Variants in SMG5 observed in about 807,000 individuals in gnomAD.
SMG5 encodes nonsense-mediated mRNA decay factor SMG5.
A neutral mutation model predicts 122.9 loss-of-function variants in SMG5; 53 were observed. That is an observed-to-expected ratio of 0.43 (90% CI 0.35 to 0.54). SMG5 has a LOEUF of 0.54. Among genes scored for constraint, SMG5 ranks in the 20% least tolerant of loss-of-function variants. The pLI is 0.01. For synonymous variants in SMG5, 477 were observed against 490.2 expected, an observed-to-expected ratio of 0.97 and a Z score of 0.35; for missense variants, 1,153 against 1,285.6, an observed-to-expected ratio of 0.90 and a Z score of 1.58.
intron 7 of SMG5, among the ~76,000 whole-genome samples, chr1:156,271,666 TGGGTTCAAGTGATTCTCC>T: frequency 1.1e-5 from 1 of 87,402 alleles, no homozygotes; most frequent in Non-Finnish European, 2.9e-5. Context: ...CTCTGCCTCC[TGGGTTCAAGTGATTCTCC>T]TGCGTTCAAG....
At chr1:156,278,841 G>T in intron 2 of SMG5, 95 bp downstream of exon 2, 1 of 1,015,146 alleles carries the variant, frequency 9.9e-7, no homozygotes, top group Non-Finnish European at 1.5e-6. Flanking sequence ...AGGTCAGGAG[G>T]TAAAACAGAG....
upstream of SMG5, chr1:156,286,098 C>G: frequency 6.8e-7 from 1 of 1,461,684 alleles, no homozygotes; most frequent in African/African-American, 1.4e-5. Context: ...CTCAGGGTCT[C>G]CCACCCCCTG....
chr1:156,280,915 CTAAT>C (rs1156825073), intron 1 of SMG5, among the ~76,000 whole-genome samples: 2 of 152,168 alleles, frequency 1.3e-5, no homozygotes, highest in South Asian at 2.1e-4. Flanking sequence ...ATGAATTGGC[CTAAT>C]TAATTAATTG....
chr1:156,251,184 G>A (rs945534423), intron 20 of SMG5, 188 bp from the exon 21 acceptor site: 2 of 927,934 alleles, frequency 2.2e-6, no homozygotes, highest in Admixed American at 2.4e-5. Flanking sequence ...CACCAAGCCT[G>A]AGCATCGCAA....
At chr1:156,260,859 T>A (rs958649132) in intron 14 of SMG5, among the ~76,000 whole-genome samples, 1 of 152,146 alleles carries the variant, frequency 6.6e-6, no homozygotes, top group Non-Finnish European at 1.5e-5. Context: ...CAGGAAGGCT[T>A]CCTGACAGCA....
chr1:156,258,872 T>C, intron 16 of SMG5, 133 bp downstream of exon 16: 1 of 1,047,162 alleles, frequency 9.5e-7, no homozygotes, highest in Non-Finnish European at 1.3e-6. Flanking sequence ...CCTCCCAGCC[T>C]CCCCTCCCCT....
At chr1:156,285,933 T>C (rs1417956125), upstream of SMG5, 3 of 1,433,918 alleles carry the variant, frequency 2.1e-6, no homozygotes, top group Non-Finnish European at 2.8e-6. Flanking sequence ...AGTTCCCGCC[T>C]GATCTACACA....
intron 7 of SMG5, among the ~76,000 whole-genome samples, chr1:156,268,944 C>T (rs75160483): frequency 0.016 from 2,484 of 151,816 alleles, 25 homozygotes; most frequent in Non-Finnish European, 0.026. Context: ...ACAGCTAACA[C>T]ATGGTAGAGA....
rs777985651 is a variant in SMG5, at chr1:156,249,689, C to T, written c.*898G>A. ...CTCCTTTCTGCTGCCCACTGAATGC[C>T]GGCCCCTTGTCTTCAGCCCTCCCTT... On this transcript the variant is annotated 3_prime_UTR_variant, in exon 22 of 22. Coordinates refer to ENST00000361813, the MANE Select transcript of SMG5 (RefSeq NM_015327.3). 2.8e-5 allele frequency: 13 copies of T among 464,254 alleles called. No individual in the cohort carries two copies. The highest frequency in any genetic ancestry group is 2.1e-4 in the East Asian group (3 of 14,324). 28.8% of individuals were successfully genotyped at this position (464,254 alleles called of 1,614,324 possible).
Position 156,267,484 on chromosome 1 carries a change from C to T in SMG5, c.1103G>A (p.Ser368Asn). 1 of 1,614,108 alleles carries T rather than the reference C, an allele frequency of 6.2e-7. No homozygotes were observed. The highest frequency in any genetic ancestry group is 8.5e-7 in the Non-Finnish European group (1 of 1,179,980). Residue 368 changes from serine (S) to asparagine (N), a missense_variant, in exon 10 of 22, where the codon AGC becomes AAC. Coordinates refer to ENST00000361813, the MANE Select transcript of SMG5 (RefSeq NM_015327.3). Reference protein sequence around the residue: ...MVIICLMCVHSLERAGSKQYS... With the variant: ...MVIICLMCVHNLERAGSKQYS... Reference sequence around the variant, plus strand: ...GGGAAGGTTACCTGCTCTCTCCAAGCTGTGCACACACATAAGGCAGATGAT... The same window carrying T: ...GGGAAGGTTACCTGCTCTCTCCAAGTTGTGCACACACATAAGGCAGATGAT...
Position 156,251,490 on chromosome 1 carries a change from TGTGCGA to T in SMG5, c.2754-19_2754-14del, listed in dbSNP as rs1661354889. On this transcript the variant is annotated splice_polypyrimidine_tract_variant and intron_variant, in intron 19 of 21. Coordinates refer to ENST00000361813, the MANE Select transcript of SMG5 (RefSeq NM_015327.3). The stretch of plus-strand genomic sequence containing the variant: ...GCAGCGAATGTACCTGCAGAGGAGA[TGTGCGA>T]GTGGAGGTCAGGAGCAGGAGACTGG... 1 of 1,613,582 alleles carries T rather than the reference TGTGCGA, an allele frequency of 6.2e-7. No homozygotes were observed. The highest frequency in any genetic ancestry group is 1.3e-5 in the African/African-American group (1 of 74,902).
intron 10 of SMG5, 98 bp downstream of exon 10, chr1:156,267,372 G>C (rs1662197977): frequency 3.1e-5 from 39 of 1,242,218 alleles, no homozygotes; most frequent in Non-Finnish European, 4.2e-5. Context: ...TGAAGAGGCT[G>C]CTTGTGGAAG....
chr1:156,268,657 C>T (rs751034018), intron 7 of SMG5, among the ~76,000 whole-genome samples: 1 of 152,194 alleles, frequency 6.6e-6, no homozygotes, highest in Non-Finnish European at 1.5e-5. Context: ...AGGAGAATAT[C>T]AATCCTACCC....
At position 156,249,989 on chromosome 1, in the gene SMG5, C is replaced by T. The variant is rs1369927859; in HGVS notation, c.*598G>A. ...GAGGAGGAGCACACGAACCCTGACC[C>T]TGCTACTCGGTGCAGGCCACTCCAG... is the stretch of plus-strand genomic sequence containing the variant. On this transcript the variant is annotated 3_prime_UTR_variant, in exon 22 of 22. Transcript: ENST00000361813. 1 of 467,806 alleles carries T rather than the reference C, an allele frequency of 2.1e-6. No individual in the cohort carries two copies. Among genetic ancestry groups the T allele is most frequent in the Non-Finnish European group, 4.4e-6 (1 of 225,096 alleles). The allele number at this position is 467,806 out of a possible 1,614,324, so 29.0% of individuals were successfully genotyped here. A position where few individuals can be genotyped will look rare whatever the true frequency, so the allele number is the denominator to read the frequency against.
In SMG5 at chr1:156,250,077, C is replaced by T. The variant is rs1173415107; in HGVS notation, c.*510G>A. On this transcript the variant is annotated 3_prime_UTR_variant, in exon 22 of 22. Transcript: ENST00000361813. Reference sequence around the variant, plus strand: ...AGCTGCCTGGTCCCCATAAAGGGGGCTGAAAGGAGGATGGGTGATCCTTGA... The same window carrying T: ...AGCTGCCTGGTCCCCATAAAGGGGGTTGAAAGGAGGATGGGTGATCCTTGA... 1.0e-5 allele frequency: 4 copies of T among 389,184 alleles called. No homozygotes were observed. Among genetic ancestry groups the T allele is most frequent in the Non-Finnish European group, 2.1e-5 (4 of 188,638 alleles). 24.1% of individuals were successfully genotyped at this position (389,184 alleles called of 1,614,324 possible). A position where few individuals can be genotyped will look rare whatever the true frequency, so the allele number is the denominator to read the frequency against.
intron 7 of SMG5, among the ~76,000 whole-genome samples, chr1:156,269,869 C>T (rs866090324): frequency 6.6e-6 from 1 of 151,106 alleles, no homozygotes; most frequent in African/African-American, 2.4e-5. Context: ...TGCGAGACTC[C>T]ATCTCAAAAA....
chr1:156,280,927 T>C (rs935697689), intron 1 of SMG5, among the ~76,000 whole-genome samples: 2 of 152,244 alleles, frequency 1.3e-5, no homozygotes, highest in African/African-American at 4.8e-5. Flanking sequence ...AATTAATTAA[T>C]TGGTGCTTCC....
At chr1:156,290,182 T>C in the SMG5 span, 3 of 152,362 alleles carry the variant, frequency 2.0e-5, no homozygotes, top group East Asian at 5.8e-4. Context: ...AGACAGTCTA[T>C]ATAGTATGCT....
intron 13 of SMG5, among the ~76,000 whole-genome samples, chr1:156,262,599 C>T (rs1661907519): frequency 6.6e-6 from 1 of 152,100 alleles, no homozygotes; most frequent in Admixed American, 6.6e-5. Context: ...GTAACCTATC[C>T]TTCCAGCCCT....
Sources: gnomAD v4.1 joint callset for allele counts (sites outside exome capture counted in the v4.1 genomes callset) on GRCh38, gnomAD v4.1.1 for gene constraint, MANE v1.5 for transcripts, NCBI Gene and HGNC (gene_info 2026-07-23, HGNC 2026-07-21) for gene names.